Variants in GRID2 observed in about 807,000 individuals in gnomAD.
The protein encoded by GRID2 is glutamate ionotropic receptor delta type subunit 2, also known as glutamate receptor ionotropic, delta-2.
In GRID2, 33 loss-of-function variants were observed where a neutral mutation model predicts 114.8. The ratio of observed to expected loss-of-function variants is 0.29; its 90% confidence interval spans 0.22 to 0.38. The LOEUF is 0.38. Among genes scored for constraint, GRID2 ranks in the 10% least tolerant of loss-of-function variants. GRID2 has a pLI of 1.00. For synonymous variants in GRID2, 505 were observed against 449.9 expected (o/e 1.12, Z -1.55); for missense variants, 1,184 against 1,257.7 (o/e 0.94, Z 0.89).
intron 14 of GRID2, among the ~76,000 whole-genome samples, chr4:93,650,339 TG>T (rs1241372641): frequency 2.0e-5 from 3 of 152,164 alleles, no homozygotes; most frequent in Admixed American, 1.3e-4. Context: ...TTTTTATATT[TG>T]GGGAATTATA....
intron 2 of GRID2, among the ~76,000 whole-genome samples, chr4:92,834,322 A>G (rs1175927805): frequency 6.6e-6 from 1 of 152,184 alleles, no homozygotes; most frequent in African/African-American, 2.4e-5. Flanking sequence ...CAAAGATAAT[A>G]AAACCATTTT....
intron 3 of GRID2, among the ~76,000 whole-genome samples, chr4:93,092,966 T>C (rs1473943617): frequency 6.6e-6 from 1 of 152,036 alleles, no homozygotes; most frequent in African/African-American, 2.4e-5. Context: ...TTTTCAGTAC[T>C]GCATAGCAGG....
intron 2 of GRID2, among the ~76,000 whole-genome samples, chr4:93,059,558 T>C (rs1727578793): frequency 6.6e-6 from 1 of 152,144 alleles, no homozygotes; most frequent in South Asian, 2.1e-4. Context: ...ACTGGACTAA[T>C]TGTTGAATCA....
At chr4:93,404,636 G>C (rs1380139900) in intron 9 of GRID2, among the ~76,000 whole-genome samples, 1 of 152,150 alleles carries the variant, frequency 6.6e-6, no homozygotes, top group East Asian at 1.9e-4. Flanking sequence ...CACATGAAAA[G>C]TGTGATATGT....
chr4:92,802,991 C>A (rs1424982070), intron 2 of GRID2, among the ~76,000 whole-genome samples: 1 of 151,880 alleles, frequency 6.6e-6, no homozygotes, highest in Non-Finnish European at 1.5e-5. Flanking sequence ...CCTCACAGAT[C>A]TAAGAGATAG....
chr4:93,222,456 AAT>A (rs916734186), intron 6 of GRID2, among the ~76,000 whole-genome samples: 92 of 148,260 alleles, frequency 6.2e-4, no homozygotes, highest in African/African-American at 1.3e-3. Flanking sequence ...CTTTTTTTTA[AAT>A]ATATATATAT....
intron 4 of GRID2, among the ~76,000 whole-genome samples, chr4:93,198,573 A>G (rs1741743255): frequency 2.0e-5 from 3 of 152,138 alleles, no homozygotes; most frequent in African/African-American, 4.8e-5. Flanking sequence ...TTACATAGTT[A>G]TCTACGATTT....
intron 13 of GRID2, among the ~76,000 whole-genome samples, chr4:93,562,488 C>T (rs1261840369): frequency 6.6e-6 from 1 of 151,884 alleles, no homozygotes; most frequent in Non-Finnish European, 1.5e-5. Flanking sequence ...AAGGCTGTGG[C>T]TTACATTTTT....
At chr4:93,765,587 A>G (rs1290696496) in intron 14 of GRID2, among the ~76,000 whole-genome samples, 14 of 144,574 alleles carry the variant, frequency 9.7e-5, no homozygotes, top group Non-Finnish European at 1.9e-4. Context: ...AATTCCTATT[A>G]GAATTTAAAT....
chr4:93,479,319 G>A (rs778805811), intron 11 of GRID2, among the ~76,000 whole-genome samples: 47 of 152,142 alleles, frequency 3.1e-4, no homozygotes, highest in Middle Eastern at 3.4e-3. Flanking sequence ...GTAAAAATAA[G>A]TTTGTAAAAA....
intron 11 of GRID2, among the ~76,000 whole-genome samples, chr4:93,473,576 T>G (rs1725044373): frequency 6.6e-6 from 1 of 152,136 alleles, no homozygotes; most frequent in Non-Finnish European, 1.5e-5. Flanking sequence ...CTAAATCATT[T>G]GGACAAAAGT....
chr4:93,592,401 A>G (rs1388780464), intron 13 of GRID2, among the ~76,000 whole-genome samples: 1 of 152,030 alleles, frequency 6.6e-6, no homozygotes, highest in Non-Finnish European at 1.5e-5. Context: ...TTCTAATTTG[A>G]TTGCACTGTG....
chr4:93,614,918 C>G (rs748545713), intron 13 of GRID2, among the ~76,000 whole-genome samples: 22 of 152,272 alleles, frequency 1.4e-4, no homozygotes, highest in South Asian at 8.3e-4. Context: ...CAATTTTACT[C>G]TTTCTTCTCC....
At chr4:92,997,687 C>A (rs553619388) in intron 2 of GRID2, among the ~76,000 whole-genome samples, 1 of 152,110 alleles carries the variant, frequency 6.6e-6, no homozygotes, top group Non-Finnish European at 1.5e-5. Flanking sequence ...ATAATTTTAT[C>A]GCTCTGATTC....
At chr4:92,966,511 T>C (rs927207201) in intron 2 of GRID2, among the ~76,000 whole-genome samples, 1 of 151,854 alleles carries the variant, frequency 6.6e-6, no homozygotes, top group Admixed American at 6.6e-5. Flanking sequence ...TCACCTTGAA[T>C]TGTAATAATC....
intron 2 of GRID2, among the ~76,000 whole-genome samples, chr4:92,703,499 A>ATT (rs1734784272): frequency 1.3e-5 from 2 of 151,884 alleles, no homozygotes; most frequent in East Asian, 3.9e-4. Context: ...CCTAGAAGAG[A>ATT]ATGGGCTTTG....
chr4:92,884,799 A>C (rs1317758172), intron 2 of GRID2: 2 of 328,132 alleles, frequency 6.1e-6, no homozygotes, highest in Non-Finnish European at 1.2e-5. Flanking sequence ...ATGCTATTTA[A>C]AAATTTCATG....
At chr4:93,328,700 T>A (rs1296514984) in intron 8 of GRID2, among the ~76,000 whole-genome samples, 1 of 148,056 alleles carries the variant, frequency 6.8e-6, no homozygotes, top group East Asian at 1.9e-4. Flanking sequence ...GATGGATGGA[T>A]GGATGGTTGG....
At chr4:93,760,124 A>T (rs1252743607) in intron 14 of GRID2, among the ~76,000 whole-genome samples, 1 of 152,162 alleles carries the variant, frequency 6.6e-6, no homozygotes, top group Non-Finnish European at 1.5e-5. Context: ...GGTCGAAGGG[A>T]GGAGGGGTTT....
Sources: gnomAD v4.1 joint callset for allele counts (sites outside exome capture counted in the v4.1 genomes callset) on GRCh38, gnomAD v4.1.1 for gene constraint, MANE v1.5 for transcripts, NCBI Gene and HGNC (gene_info 2026-07-23, HGNC 2026-07-21) for gene names.